INPP5A: variants seen among roughly 807,000 people sequenced by gnomAD.
INPP5A encodes the protein 43 kDa inositol polyphosphate 5-phophatase.
In INPP5A, 14 loss-of-function variants were observed where a neutral mutation model predicts 65.2. The ratio of observed to expected loss-of-function variants is 0.21; its 90% CI spans 0.14 to 0.34. The LOEUF (loss-of-function observed/expected upper bound fraction) is 0.34. INPP5A is among the 10% of genes least tolerant of loss of function. The pLI is 1.00. For missense variants in INPP5A, 431 were observed against 545.6 expected (o/e 0.79, Z 2.09); for synonymous variants, 207 against 208.3 (o/e 0.99, Z 0.05).
intron 6 of INPP5A, among the ~76,000 whole-genome samples, chr10:132,703,072 G>A (rs1006968363): frequency 3.9e-5 from 6 of 152,096 alleles, no homozygotes; most frequent in Admixed American, 6.5e-5. Flanking sequence ...CCCACCCTTC[G>A]GACTCACCGT....
chr10:132,558,309 C>T (rs190734616), intron 1 of INPP5A, among the ~76,000 whole-genome samples: 12 of 152,344 alleles, frequency 7.9e-5, no homozygotes, highest in South Asian at 4.1e-4. Context: ...GGCTCTCCCC[C>T]CCGGCCCACG....
At position 132,659,673 on chromosome 10, in the gene INPP5A, C is replaced by G. The variant is rs115041350; in HGVS notation, c.306+9168C>G. Among the ~76,000 whole-genome samples, 1,237 of 152,340 alleles carry G rather than the reference C, an allele frequency of 8.1e-3. 15 individuals are homozygous for G. Among genetic ancestry groups the G allele is most frequent in the African/African-American group, 0.029 (1,186 of 41,586 alleles). On this transcript the variant is annotated intron_variant, in intron 4 of 15. Transcript: ENST00000368594. This position sits in a 1 kb window ranked among gnomAD's most constrained non-coding sequence, Gnocchi z 5.5. ...GCAGAGGAGACCTCTGCACGCAGGCCCACAGCAAGGGCCGGATCAGGAGAA... is the reference window on the plus strand; with the variant it reads ...GCAGAGGAGACCTCTGCACGCAGGCGCACAGCAAGGGCCGGATCAGGAGAA...
intron 8 of INPP5A, among the ~76,000 whole-genome samples, chr10:132,719,881 G>T (rs1346358777): frequency 6.7e-6 from 1 of 148,358 alleles, no homozygotes; most frequent in African/African-American, 2.5e-5. Flanking sequence ...CGCCTTAGAC[G>T]GCTGTCTTCA....
rs111423227 is a variant in INPP5A, at chr10:132,637,129, G to T, written c.118-8739G>T. ...GACGGGGTTTGACCATGTTGGCCAGGATGGTCTTGATCTCCTGACCTTGTG... is the reference window on the plus strand; with the variant it reads ...GACGGGGTTTGACCATGTTGGCCAGTATGGTCTTGATCTCCTGACCTTGTG... On this transcript the variant is annotated intron_variant, in intron 2 of 15. Transcript: ENST00000368594. This position sits in a 1 kb window ranked among gnomAD's most constrained non-coding sequence, Gnocchi z 4.1. Among the ~76,000 whole-genome samples the T allele has an allele frequency of 2.9e-3, 448 of 152,326 alleles. 1 individual carries two copies. The highest frequency in any genetic ancestry group is 0.01 in the African/African-American group (436 of 41,574).
chr10:132,719,676 C>T lies in INPP5A; in HGVS notation c.648-7145C>T, dbSNP rs12217557. On this transcript the variant is annotated intron_variant, in intron 8 of 15. Coordinates refer to ENST00000368594, the MANE Select transcript of INPP5A (RefSeq NM_005539.5). The stretch of plus-strand genomic sequence containing the variant: ...CTGGGTTCTGTCTGGGCACCTTAGA[C>T]GGCTGTCTTGCAGGTTCTGTGGTAC... Among the ~76,000 whole-genome samples, 113 of 148,294 alleles carry T rather than the reference C, an allele frequency of 7.6e-4. 1 individual carries two copies. In the East Asian group the frequency reaches 0.021, roughly 27 times the overall value.
intron 4 of INPP5A, among the ~76,000 whole-genome samples, chr10:132,681,999 G>C (rs2073053040): frequency 6.6e-6 from 1 of 152,242 alleles, no homozygotes; most frequent in African/African-American, 2.4e-5. Flanking sequence ...AAGTCATGGA[G>C]ACAGAAAGTA....
At chr10:132,576,360 T>G (rs1286612781) in intron 1 of INPP5A, among the ~76,000 whole-genome samples, 3 of 152,188 alleles carry the variant, frequency 2.0e-5, no homozygotes, top group Non-Finnish European at 2.9e-5. Context: ...CTTGGACAGG[T>G]GCTGGGTGGC....
intron 5 of INPP5A, among the ~76,000 whole-genome samples, chr10:132,692,697 A>G (rs1227125753): frequency 1.3e-5 from 2 of 152,220 alleles, no homozygotes; most frequent in Non-Finnish European, 2.9e-5. Context: ...TATTCAGAAA[A>G]AGATTATTCT....
chr10:132,731,244 C>T (rs1265352499), intron 9 of INPP5A, among the ~76,000 whole-genome samples: 22 of 152,296 alleles, frequency 1.4e-4, no homozygotes, highest in Admixed American at 1.4e-3. Flanking sequence ...ACCCCTCCCG[C>T]ATATCAGGCA....
At chr10:132,572,581 TG>T (rs1457946669) in intron 1 of INPP5A, among the ~76,000 whole-genome samples, 3 of 151,138 alleles carry the variant, frequency 2.0e-5, no homozygotes, top group Non-Finnish European at 4.5e-5. Context: ...TTGGTGGGGA[TG>T]TGCCGTTTGC....
chr10:132,593,046 C>A (rs2071638572), intron 1 of INPP5A, among the ~76,000 whole-genome samples: 3 of 152,190 alleles, frequency 2.0e-5, no homozygotes, highest in African/African-American at 7.2e-5. Flanking sequence ...GCTTCTTGTG[C>A]CAGAGCCTAT....
At chr10:132,598,021 C>T (rs747024713) in intron 1 of INPP5A, among the ~76,000 whole-genome samples, 1 of 152,246 alleles carries the variant, frequency 6.6e-6, no homozygotes, top group Non-Finnish European at 1.5e-5. Context: ...GGGCAGGTCT[C>T]AGATTTACTG....
intron 2 of INPP5A, among the ~76,000 whole-genome samples, chr10:132,638,393 C>T (rs2072384277): frequency 6.6e-6 from 1 of 152,188 alleles, no homozygotes; most frequent in Admixed American, 6.5e-5. Flanking sequence ...CTGTGTGTCT[C>T]TTCCCTGGTG....
At chr10:132,683,579 C>G (rs1274760677) in intron 4 of INPP5A, among the ~76,000 whole-genome samples, 1 of 152,228 alleles carries the variant, frequency 6.6e-6, no homozygotes, top group Non-Finnish European at 1.5e-5. Flanking sequence ...ACCCATGTAC[C>G]TGGATGCTTG....
chr10:132,751,850 G>A (rs1409951371), intron 11 of INPP5A, among the ~76,000 whole-genome samples: 4 of 151,374 alleles, frequency 2.6e-5, no homozygotes, highest in Non-Finnish European at 3.0e-5. Context: ...GTGGAGGCGG[G>A]TGCCCAGGAG....
chr10:132,710,503 C>T, intron 8 of INPP5A, 47 bp downstream of exon 8: 2 of 1,592,896 alleles, frequency 1.3e-6, no homozygotes, highest in Non-Finnish European at 8.6e-7. Context: ...AGTAGGTGTG[C>T]TGGGCAGGCA....
At chr10:132,732,127 C>T (rs116553009) in intron 9 of INPP5A, among the ~76,000 whole-genome samples, 2,578 of 152,366 alleles carry the variant, frequency 0.017, 79 homozygotes, top group African/African-American at 0.057. Flanking sequence ...CTGCCCGCGA[C>T]AGCAGCTGCC....
In INPP5A at chr10:132,637,062, C is replaced by T. The variant is rs1369750868; in HGVS notation, c.118-8806C>T. 1.3e-5 allele frequency among the ~76,000 whole-genome samples: 2 copies of T among 152,138 alleles called. No homozygotes were observed. Among genetic ancestry groups the T allele is most frequent in the South Asian group, 2.1e-4 (1 of 4,824 alleles). On this transcript the variant is annotated intron_variant, in intron 2 of 15. Coordinates refer to ENST00000368594, the MANE Select transcript of INPP5A (RefSeq NM_005539.5). The surrounding 1 kb of genome is among the most constrained non-coding windows in gnomAD (Gnocchi z 4.1). ...CCTCCCAAGTAGGTAGGACTACAAG[C>T]GTGCGCCACCAGGCCCAGCTAATTT... is the stretch of plus-strand genomic sequence containing the variant.
chr10:132,740,828 GGT>G (rs753223633), intron 9 of INPP5A, among the ~76,000 whole-genome samples: 14 of 152,130 alleles, frequency 9.2e-5, no homozygotes, highest in Non-Finnish European at 1.6e-4. Flanking sequence ...CCACTCGCAG[GGT>G]CCACATCGTT....
Sources: allele counts gnomAD v4.1 joint callset (sites outside exome capture counted in the v4.1 genomes callset), GRCh38; gene constraint gnomAD v4.1.1; non-coding constraint Gnocchi (gnomAD v3.1); transcripts MANE v1.5; gene names NCBI Gene and HGNC (gene_info 2026-07-23, HGNC 2026-07-21).